The following SNTG2 variants were observed in gnomAD, a reference collection of about 807,000 sequenced individuals.
SNTG2 encodes the protein gamma-2-syntrophin.
SNTG2 carries 74 observed loss-of-function variants against 70.9 expected under a neutral mutation model. The ratio of observed to expected loss-of-function variants is 1.04; its 90% CI spans 0.86 to 1.27. The LOEUF is 1.27. SNTG2 is among the 50% of genes most tolerant of loss of function. SNTG2 has a pLI of 0.00. For missense variants in SNTG2, 717 were observed against 690.7 expected, an observed-to-expected ratio of 1.04 and a Z score of -0.43; for synonymous variants, 278 against 273.8, an observed-to-expected ratio of 1.02 and a Z score of -0.15.
chr2:1,331,440 C>T (rs1659523232), intron 16 of SNTG2, among the ~76,000 whole-genome samples: 1 of 152,212 alleles, frequency 6.6e-6, no homozygotes, highest in Admixed American at 6.5e-5. Context: ...AATAACTTTA[C>T]AACTATCCGG....
At chr2:1,058,050 T>C (rs1255418617) in intron 1 of SNTG2, among the ~76,000 whole-genome samples, 1 of 152,066 alleles carries the variant, frequency 6.6e-6, no homozygotes, top group African/African-American at 2.4e-5. Context: ...ATAAAAAGCT[T>C]TAAAAAATTA....
chr2:1,210,186 A>G (rs1487542773), intron 9 of SNTG2, among the ~76,000 whole-genome samples: 1 of 152,198 alleles, frequency 6.6e-6, no homozygotes, highest in Non-Finnish European at 1.5e-5. Flanking sequence ...TTGCGGAAGG[A>G]TGTTTATGAT....
intron 14 of SNTG2, among the ~76,000 whole-genome samples, chr2:1,288,261 G>A (rs1454909332): frequency 3.3e-5 from 5 of 152,114 alleles, no homozygotes; most frequent in Non-Finnish European, 7.4e-5. Context: ...GCACAGATCT[G>A]ACATCATATC....
chr2:1,235,033 C>T (rs957720651), intron 9 of SNTG2, among the ~76,000 whole-genome samples: 5 of 152,226 alleles, frequency 3.3e-5, no homozygotes, highest in South Asian at 2.1e-4. Context: ...TGGAGCCAAG[C>T]GGTGACCATG....
chr2:1,218,446 C>T (rs1674539992), intron 9 of SNTG2, among the ~76,000 whole-genome samples: 1 of 152,326 alleles, frequency 6.6e-6, no homozygotes, highest in Admixed American at 6.5e-5. Flanking sequence ...AGCACGTCCA[C>T]GCTTCTTAGA....
intron 14 of SNTG2, among the ~76,000 whole-genome samples, chr2:1,295,343 AT>A (rs917879362): frequency 3.9e-5 from 6 of 152,004 alleles, no homozygotes; most frequent in Non-Finnish European, 8.8e-5. Flanking sequence ...TCCCAGAATA[AT>A]TTTTTCCAAC....
intron 14 of SNTG2, among the ~76,000 whole-genome samples, chr2:1,289,204 A>C (rs1281178486): frequency 6.6e-6 from 1 of 152,044 alleles, no homozygotes; most frequent in Non-Finnish European, 1.5e-5. Flanking sequence ...CAAATTAGCA[A>C]TGATGCCAAT....
intron 6 of SNTG2, among the ~76,000 whole-genome samples, chr2:1,141,348 A>G (rs931355388): frequency 2.0e-5 from 3 of 152,338 alleles, no homozygotes; most frequent in East Asian, 3.9e-4. Flanking sequence ...AAAGTATGCT[A>G]TTGCCATTCA....
chr2:1,254,770 A>G (rs571873850), intron 12 of SNTG2, among the ~76,000 whole-genome samples: 17 of 152,324 alleles, frequency 1.1e-4, no homozygotes, highest in Admixed American at 3.3e-4. Flanking sequence ...AACCATAGTG[A>G]TGATATATAG....
intron 12 of SNTG2, among the ~76,000 whole-genome samples, chr2:1,255,907 AAT>A (rs1221270238): frequency 3.1e-4 from 20 of 64,376 alleles, no homozygotes; most frequent in African/African-American, 1.2e-3. Context: ...TATATATATA[AAT>A]ATATATATAA....
At chr2:1,201,542 TA>T (rs2147969322) in intron 8 of SNTG2, among the ~76,000 whole-genome samples, 1 of 152,030 alleles carries the variant, frequency 6.6e-6, no homozygotes, top group African/African-American at 2.4e-5. Flanking sequence ...TTGAAATGCA[TA>T]TTTCAAATGC....
intron 1 of SNTG2, among the ~76,000 whole-genome samples, chr2:970,174 T>C (rs1021656644): frequency 6.6e-6 from 1 of 152,256 alleles, no homozygotes; most frequent in African/African-American, 2.4e-5. Flanking sequence ...TTATTTGTTT[T>C]GTATGTTGAA....
intron 4 of SNTG2, among the ~76,000 whole-genome samples, chr2:1,104,168 G>A (rs530847703): frequency 1.3e-5 from 2 of 152,308 alleles, no homozygotes; most frequent in African/African-American, 4.8e-5. Flanking sequence ...CCCTTCTCTG[G>A]GTCATCGTCC....
At chr2:1,214,867 G>A (rs953062486) in intron 9 of SNTG2, among the ~76,000 whole-genome samples, 2 of 152,090 alleles carry the variant, frequency 1.3e-5, no homozygotes, top group Admixed American at 6.6e-5. Flanking sequence ...ATTAGACGTG[G>A]GCTTGTCACA....
intron 9 of SNTG2, among the ~76,000 whole-genome samples, chr2:1,221,340 G>GTCA (rs1674777007): frequency 8.3e-4 from 5 of 6,032 alleles, no homozygotes; most frequent in Non-Finnish European, 1.7e-3. Flanking sequence ...TCTCTCTGTT[G>GTCA]CTGTCTCTGC....
At chr2:1,081,722 C>T (rs1313336995) in intron 1 of SNTG2, among the ~76,000 whole-genome samples, 1 of 152,262 alleles carries the variant, frequency 6.6e-6, no homozygotes, top group African/African-American at 2.4e-5. Flanking sequence ...CTCCCAGTTC[C>T]AGCACCCACC....
chr2:1,137,620 A>C lies in SNTG2; in HGVS notation c.326-2A>C. The C allele has an allele frequency of 6.2e-7, 1 of 1,613,076 alleles. No individual in the cohort carries two copies. Among genetic ancestry groups the C allele is most frequent in the East Asian group, 2.2e-5 (1 of 44,874 alleles). On this transcript the variant is annotated splice_acceptor_variant, in intron 4 of 16. Transcript: ENST00000308624. LOFTEE classifies it high-confidence loss of function. ...ACTGTTGCCACTTTTGCCACCCTGC[A>C]GCTGACCAGACAGGGATGTTGTTCG...
intron 1 of SNTG2, among the ~76,000 whole-genome samples, chr2:992,299 T>C (rs1374134709): frequency 6.6e-6 from 1 of 151,954 alleles, no homozygotes; most frequent in Non-Finnish European, 1.5e-5. Context: ...AGTAAAAATA[T>C]GAGATAGTGG....
intron 16 of SNTG2, among the ~76,000 whole-genome samples, chr2:1,342,389 A>G (rs867381074): frequency 4.5e-5 from 2 of 44,292 alleles, no homozygotes; most frequent in Non-Finnish European, 8.4e-5. Flanking sequence ...CGCCTGGCCC[A>G]GCTCTGTAGG....
Sources: allele counts gnomAD v4.1 joint callset (sites outside exome capture counted in the v4.1 genomes callset), GRCh38; gene constraint gnomAD v4.1.1; transcripts MANE v1.5; gene names NCBI Gene and HGNC (gene_info 2026-07-23, HGNC 2026-07-21).